Variants in RERE observed in about 807,000 individuals in gnomAD.
The protein encoded by RERE is arginine-glutamic acid dipeptide repeats protein.
In RERE, 40 loss-of-function variants were observed where a neutral mutation model predicts 146.1. The ratio of observed to expected loss-of-function variants is 0.27; its 90% CI spans 0.21 to 0.36. RERE has a LOEUF of 0.36. Among genes scored for constraint, RERE ranks in the 10% least tolerant of loss-of-function variants. The pLI, the probability that RERE is intolerant of heterozygous loss-of-function variation, is 1.00. For missense variants in RERE, 1,933 were observed against 2,138.7 expected, an observed-to-expected ratio of 0.90 and a Z score of 1.90; for synonymous variants, 1,003 against 866.0, an observed-to-expected ratio of 1.16 and a Z score of -2.78.
At chr1:8,412,855 T>G (rs985625218) in intron 12 of RERE, among the ~76,000 whole-genome samples, 2 of 152,156 alleles carry the variant, frequency 1.3e-5, no homozygotes, top group Non-Finnish European at 2.9e-5. Context: ...ATATCCAGGT[T>G]TCAAACTGGT....
In RERE at chr1:8,356,130, C is replaced by T. The variant is rs1158166019; in HGVS notation, c.4456G>A (p.Glu1486Lys). ...ACTGGGTGGCGAAGCATCTCGTGCT[C>T]GTGTGGGGGCTGTCCAAGCAGAGGG... is the stretch of plus-strand genomic sequence containing the variant. Reference protein sequence around the residue: ...PNPLLGQPPHEHEMLRHPVFG... With the variant: ...PNPLLGQPPHKHEMLRHPVFG... Residue 1486 changes from glutamate to lysine, a missense_variant, in exon 21 of 23, where the codon GAG becomes AAG. Glu to Lys is a moderately conservative substitution (Grantham distance 56). Transcript: ENST00000400908. This position sits in a 1 kb window ranked among gnomAD's most constrained non-coding sequence, Gnocchi z 5.2. 3 of 1,507,424 alleles carry T rather than the reference C, an allele frequency of 2.0e-6. No homozygotes were observed. The highest frequency in any genetic ancestry group is 1.3e-5 in the South Asian group (1 of 77,388). 93.4% of individuals were successfully genotyped at this position (1,507,424 alleles called of 1,614,324 possible). A position where few individuals can be genotyped will look rare whatever the true frequency, so the allele number is the denominator to read the frequency against.
intron 11 of RERE, among the ~76,000 whole-genome samples, chr1:8,424,400 G>A (rs1431474315): frequency 6.6e-6 from 1 of 152,246 alleles, no homozygotes. Flanking sequence ...AGACCAGTCT[G>A]CAACCTCCTA....
intron 1 of RERE, among the ~76,000 whole-genome samples, chr1:8,791,123 C>G (rs541757827): frequency 6.6e-6 from 1 of 152,248 alleles, no homozygotes; most frequent in Non-Finnish European, 1.5e-5. Context: ...TCTCTACTCC[C>G]TAGGAACTAC....
chr1:8,668,242 T>A (rs925660396), intron 1 of RERE, among the ~76,000 whole-genome samples: 6 of 152,218 alleles, frequency 3.9e-5, no homozygotes, highest in Non-Finnish European at 8.8e-5. Context: ...AAAGTATTGC[T>A]TGAAACAGTA....
intron 1 of RERE, among the ~76,000 whole-genome samples, chr1:8,709,076 C>G (rs1300132127): frequency 6.6e-6 from 1 of 151,492 alleles, no homozygotes; most frequent in African/African-American, 2.4e-5. Context: ...CCACACCCAG[C>G]TAATTTATTT....
chr1:8,644,474 C>T lies in RERE; in HGVS notation c.325+11499G>A, dbSNP rs944198866. 3.3e-5 allele frequency among the ~76,000 whole-genome samples: 5 copies of T among 152,316 alleles called. No homozygotes were observed. In the South Asian group the frequency reaches 1.0e-3, roughly 32 times the overall value. ...CCTGTAATTATGTGAGCCACTCTAACAACACATTGCCCTTTGTGTTATGTG... is the reference window on the plus strand; with the variant it reads ...CCTGTAATTATGTGAGCCACTCTAATAACACATTGCCCTTTGTGTTATGTG... On this transcript the variant is annotated intron_variant, in intron 2 of 22. Coordinates refer to ENST00000400908, the MANE Select transcript of RERE (RefSeq NM_001042681.2).
At chr1:8,357,946 A>G (rs1352437747) in intron 20 of RERE, among the ~76,000 whole-genome samples, 1 of 152,244 alleles carries the variant, frequency 6.6e-6, no homozygotes, top group African/African-American at 2.4e-5. Context: ...CACAGGGCCA[A>G]GAACCCAGGC....
intron 11 of RERE, among the ~76,000 whole-genome samples, chr1:8,427,036 A>G (rs902604931): frequency 6.6e-6 from 1 of 152,178 alleles, no homozygotes; most frequent in South Asian, 2.1e-4. Context: ...TTATTTATTT[A>G]TTAACGATGA....
intron 4 of RERE, among the ~76,000 whole-genome samples, chr1:8,584,123 A>G (rs1044698393): frequency 6.6e-6 from 1 of 152,178 alleles, no homozygotes; most frequent in Non-Finnish European, 1.5e-5. Flanking sequence ...TCAAAAATTA[A>G]GACTAAACCC....
At chr1:8,480,888 A>C (rs1644825713) in intron 10 of RERE, among the ~76,000 whole-genome samples, 1 of 152,212 alleles carries the variant, frequency 6.6e-6, no homozygotes, top group South Asian at 2.1e-4. Context: ...ATATATCTCA[A>C]AACATTTTAC....
intron 11 of RERE, among the ~76,000 whole-genome samples, chr1:8,460,838 C>A (rs1644517489): frequency 6.6e-6 from 1 of 152,204 alleles, no homozygotes; most frequent in Non-Finnish European, 1.5e-5. Flanking sequence ...GAGTGAGATG[C>A]ACAGCTCACT....
At chr1:8,365,134 G>A (rs991239312) in intron 13 of RERE, among the ~76,000 whole-genome samples, 6 of 152,222 alleles carry the variant, frequency 3.9e-5, no homozygotes, top group African/African-American at 9.6e-5. Context: ...TGGGACAAGC[G>A]CGTCCATGCT....
At chr1:8,471,687 T>A (rs866937544) in intron 10 of RERE, among the ~76,000 whole-genome samples, 26 of 152,226 alleles carry the variant, frequency 1.7e-4, no homozygotes, top group South Asian at 4.2e-4. Flanking sequence ...TAATTTTTTT[T>A]ATTTTTTGTA....
intron 1 of RERE, among the ~76,000 whole-genome samples, chr1:8,693,775 C>T (rs1195888296): frequency 6.6e-6 from 1 of 152,018 alleles, no homozygotes; most frequent in Non-Finnish European, 1.5e-5. Flanking sequence ...AATATTGGCT[C>T]ATCAACAATA....
At chr1:8,790,708 C>G (rs753120580) in intron 1 of RERE, among the ~76,000 whole-genome samples, 5 of 152,192 alleles carry the variant, frequency 3.3e-5, no homozygotes, top group Non-Finnish European at 7.3e-5. Context: ...CTCGGCCTCC[C>G]GAGTAGCTGG....
intron 1 of RERE, among the ~76,000 whole-genome samples, chr1:8,718,251 T>C (rs978166349): frequency 2.0e-5 from 3 of 152,194 alleles, no homozygotes; most frequent in African/African-American, 7.2e-5. Flanking sequence ...CCTAAAATCA[T>C]AAATTCTAAA....
chr1:8,779,049 GT>G (rs1025649741), intron 1 of RERE, among the ~76,000 whole-genome samples: 17 of 151,202 alleles, frequency 1.1e-4, no homozygotes, highest in African/African-American at 4.1e-4. Flanking sequence ...GTTTTGCCAT[GT>G]TGGCCAGGCT....
intron 8 of RERE, among the ~76,000 whole-genome samples, chr1:8,498,732 TAC>T (rs1553175300): frequency 0.013 from 1,367 of 107,746 alleles, 24 homozygotes; most frequent in Middle Eastern, 0.049. Context: ...AATAAATATA[TAC>T]ACACACACAC....
intron 2 of RERE, among the ~76,000 whole-genome samples, chr1:8,631,640 A>G (rs1647036543): frequency 6.6e-6 from 1 of 152,156 alleles, no homozygotes; most frequent in Non-Finnish European, 1.5e-5. Flanking sequence ...AAGCACTCTC[A>G]TCTCCTTATT....
Sources: gnomAD v4.1 joint callset for allele counts (sites outside exome capture counted in the v4.1 genomes callset) on GRCh38, gnomAD v4.1.1 for gene constraint, Gnocchi (gnomAD v3.1) non-coding constraint, MANE v1.5 for transcripts, NCBI Gene and HGNC (gene_info 2026-07-23, HGNC 2026-07-21) for gene names.